BCL2L1: variants seen among roughly 807,000 people sequenced by gnomAD.
BCL2L1 encodes bcl-2-like protein 1.
BCL2L1 carries 1 observed loss-of-function variant against 18.7 expected under a neutral mutation model. The ratio of observed to expected loss-of-function variants is 0.05; its 90% confidence interval spans 0.02 to 0.25. The LOEUF is 0.25. BCL2L1 is among the 10% of genes least tolerant of loss of function. BCL2L1 has a pLI of 1.00. For missense variants in BCL2L1, 207 were observed against 304.9 expected, an observed-to-expected ratio of 0.68 and a Z score of 2.39; for synonymous variants, 103 against 122.7, an observed-to-expected ratio of 0.84 and a Z score of 1.06.
intron 2 of BCL2L1, among the ~76,000 whole-genome samples, chr20:31,708,436 A>T (rs2061403676): frequency 6.6e-6 from 1 of 152,222 alleles, no homozygotes; most frequent in African/African-American, 2.4e-5. Flanking sequence ...GAGACTGGCA[A>T]AGCCCTGAAC....
At chr20:31,700,200 C>T (rs2122695792) in intron 2 of BCL2L1, among the ~76,000 whole-genome samples, 1 of 152,322 alleles carries the variant, frequency 6.6e-6, no homozygotes, top group South Asian at 2.1e-4. Context: ...GGGCCTGGCA[C>T]ATAGTTGGTG....
chr20:31,699,825 G>A (rs1171834669), intron 2 of BCL2L1, among the ~76,000 whole-genome samples: 1 of 152,194 alleles, frequency 6.6e-6, no homozygotes, highest in African/African-American at 2.4e-5. Flanking sequence ...GGAATTAAAT[G>A]AGAAAATGCA....
chr20:31,718,282 T>C (rs550706247), intron 2 of BCL2L1, among the ~76,000 whole-genome samples: 1 of 152,312 alleles, frequency 6.6e-6, no homozygotes, highest in African/African-American at 2.4e-5. Context: ...TAAGTAGAGA[T>C]ACCTGGGGCA....
chr20:31,671,646 G>C (rs1490178725), intron 2 of BCL2L1, among the ~76,000 whole-genome samples: 1 of 152,018 alleles, frequency 6.6e-6, no homozygotes, highest in Non-Finnish European at 1.5e-5. Flanking sequence ...CGTGAGCAAG[G>C]CTTCCATGGA....
At chr20:31,675,567 C>T (rs962308050) in intron 2 of BCL2L1, among the ~76,000 whole-genome samples, 1 of 152,134 alleles carries the variant, frequency 6.6e-6, no homozygotes, top group South Asian at 2.1e-4. Context: ...CTGTTGGCTC[C>T]CGAGATGTGA....
intron 2 of BCL2L1, among the ~76,000 whole-genome samples, chr20:31,707,968 C>G (rs2061395546): frequency 6.6e-6 from 1 of 152,194 alleles, no homozygotes; most frequent in Non-Finnish European, 1.5e-5. Flanking sequence ...GAATTTCTCC[C>G]AAGGAGGCAA....
intron 2 of BCL2L1, among the ~76,000 whole-genome samples, chr20:31,714,769 T>G (rs192333584): frequency 6.6e-6 from 1 of 152,250 alleles, no homozygotes; most frequent in African/African-American, 2.4e-5. Flanking sequence ...CCAAAGAACA[T>G]CTATCTTACT....
At chr20:31,690,542 T>C (rs973618201) in intron 2 of BCL2L1, among the ~76,000 whole-genome samples, 32 of 152,160 alleles carry the variant, frequency 2.1e-4, no homozygotes, top group African/African-American at 7.0e-4. Context: ...AGTAGTATTT[T>C]GAAGCAAATC....
intron 2 of BCL2L1, among the ~76,000 whole-genome samples, chr20:31,689,293 A>T (rs1243620002): frequency 1.2e-4 from 1 of 8,362 alleles, no homozygotes; most frequent in African/African-American, 4.7e-4. Context: ...GAGGGGAGGG[A>T]AGGAAGAAAG....
intron 2 of BCL2L1, among the ~76,000 whole-genome samples, chr20:31,690,281 G>C (rs556219058): frequency 3.9e-5 from 6 of 152,032 alleles, no homozygotes; most frequent in Admixed American, 2.6e-4. Context: ...GAGAGACACA[G>C]GGTCTCACTA....
chr20:31,673,894 A>G (rs937185256), intron 2 of BCL2L1, among the ~76,000 whole-genome samples: 1 of 152,186 alleles, frequency 6.6e-6, no homozygotes, highest in African/African-American at 2.4e-5. Flanking sequence ...CTGGTGTGCT[A>G]TACTTGGAAC....
At chr20:31,682,969 C>G (rs6060679) in intron 2 of BCL2L1, among the ~76,000 whole-genome samples, 44,444 of 151,954 alleles carry the variant, frequency 0.29, 8,198 homozygotes, top group African/African-American at 0.51. Flanking sequence ...ATTATTTGGT[C>G]CAAGCCAGTA....
intron 2 of BCL2L1, among the ~76,000 whole-genome samples, chr20:31,702,058 G>A (rs1207410469): frequency 6.6e-6 from 1 of 152,208 alleles, no homozygotes; most frequent in Non-Finnish European, 1.5e-5. Context: ...ACTGGAGAGG[G>A]ATTTAGAAAT....
chr20:31,714,240 C>G (rs182590194), intron 2 of BCL2L1, among the ~76,000 whole-genome samples: 27 of 152,282 alleles, frequency 1.8e-4, no homozygotes, highest in Non-Finnish European at 4.0e-4. Context: ...TACTTCAAAC[C>G]CTCCATCTTG....
At chr20:31,676,262 T>G (rs2060758173) in intron 2 of BCL2L1, among the ~76,000 whole-genome samples, 2 of 152,136 alleles carry the variant, frequency 1.3e-5, no homozygotes, top group Admixed American at 1.3e-4. Context: ...AAGTGCTTCG[T>G]GTGTAAAGAA....
At chr20:31,721,149 T>C (rs887967391) in intron 2 of BCL2L1, among the ~76,000 whole-genome samples, 4 of 152,188 alleles carry the variant, frequency 2.6e-5, no homozygotes, top group Non-Finnish European at 4.4e-5. Context: ...GAGAGTGCCA[T>C]ACACGCAAAC....
chr20:31,670,702 T>C (rs1371312864), intron 2 of BCL2L1, among the ~76,000 whole-genome samples: 2 of 152,196 alleles, frequency 1.3e-5, no homozygotes, highest in Non-Finnish European at 2.9e-5. Flanking sequence ...GGGAGTAGTA[T>C]TTCCAAGGGG....
chr20:31,694,518 G>C (rs1018656562), intron 2 of BCL2L1, among the ~76,000 whole-genome samples: 2 of 152,094 alleles, frequency 1.3e-5, no homozygotes, highest in Non-Finnish European at 2.9e-5. Flanking sequence ...TGGAGGGCGG[G>C]CTCCTTGAGG....
rs192023484 is a variant in BCL2L1 at position 31,664,932 on chromosome 20, A to G, written c.*1017T>C. 21 of 207,326 alleles carry G rather than the reference A, an allele frequency of 1.0e-4. No homozygotes were observed. Among genetic ancestry groups the G allele is most frequent in the Non-Finnish European group, 1.8e-4 (18 of 101,160 alleles). The allele number at this position is 207,326 out of a possible 1,614,324, so 12.8% of individuals were successfully genotyped here. A position where few individuals can be genotyped will look rare whatever the true frequency, so the allele number is the denominator to read the frequency against. ...GCACAGATCTGCCTGGCCAGGCAGG[A>G]CTGGCCCTTCTAGTCAGCCCTACCC... On this transcript the variant is annotated 3_prime_UTR_variant, in exon 3 of 3. Coordinates refer to ENST00000307677, the MANE Select transcript of BCL2L1 (RefSeq NM_138578.3).
Sources: allele counts gnomAD v4.1 joint callset (sites outside exome capture counted in the v4.1 genomes callset), GRCh38; gene constraint gnomAD v4.1.1; transcripts MANE v1.5; gene names NCBI Gene and HGNC (gene_info 2026-07-23, HGNC 2026-07-21).